ARHGAP42: variants seen among roughly 807,000 people sequenced by gnomAD.
ARHGAP42 encodes Rho GTPase activating protein 42, also known as rho GTPase-activating protein 42.
A neutral mutation model predicts 125.0 loss-of-function variants in ARHGAP42; 63 were observed. The ratio of observed to expected loss-of-function variants is 0.50; its 90% CI spans 0.41 to 0.62. The LOEUF (loss-of-function observed/expected upper bound fraction) is 0.62, where lower values mean the gene tolerates loss of function less well. Among genes scored for constraint, ARHGAP42 ranks in the 20% least tolerant of loss-of-function variants. The pLI is 0.00. For missense variants in ARHGAP42, 766 were observed against 1,024.2 expected (o/e 0.75, Z 3.44); for synonymous variants, 339 against 351.0 (o/e 0.97, Z 0.38).
chr11:100,921,246 T>TATATATA (rs1170204867), intron 5 of ARHGAP42, among the ~76,000 whole-genome samples: 11 of 34,580 alleles, frequency 3.2e-4, no homozygotes, highest in South Asian at 3.3e-3. Flanking sequence ...TATATATATA[T>TATATATA]TTTTTTTTTT....
intron 4 of ARHGAP42, among the ~76,000 whole-genome samples, chr11:100,903,058 A>G (rs961530355): frequency 2.0e-5 from 3 of 147,316 alleles, no homozygotes; most frequent in African/African-American, 7.5e-5. Flanking sequence ...GGCCACTTGT[A>G]TTTACCTTCC....
intron 1 of ARHGAP42, among the ~76,000 whole-genome samples, chr11:100,722,714 C>A (rs190962261): frequency 2.9e-4 from 44 of 152,262 alleles, no homozygotes; most frequent in African/African-American, 1.1e-3. Context: ...ACGTTTACGT[C>A]ATATGTTTTG....
intron 22 of ARHGAP42, among the ~76,000 whole-genome samples, chr11:100,984,658 G>C (rs1451319635): frequency 6.6e-6 from 1 of 151,906 alleles, no homozygotes; most frequent in African/African-American, 2.4e-5. Context: ...TTAGAATGAG[G>C]AATGAGGCTG....
intron 2 of ARHGAP42, among the ~76,000 whole-genome samples, chr11:100,774,077 C>A (rs1476129440): frequency 1.3e-5 from 2 of 152,188 alleles, no homozygotes; most frequent in Admixed American, 6.5e-5. Context: ...CTATTCAACA[C>A]TTTTTACCCT....
At chr11:100,732,165 C>T (rs1281438443) in intron 1 of ARHGAP42, among the ~76,000 whole-genome samples, 1 of 152,038 alleles carries the variant, frequency 6.6e-6, no homozygotes, top group Non-Finnish European at 1.5e-5. Context: ...CCATGCTGGT[C>T]AGGCTGGTCT....
chr11:100,851,881 C>T (rs554487391), intron 3 of ARHGAP42, among the ~76,000 whole-genome samples: 1 of 152,098 alleles, frequency 6.6e-6, no homozygotes, highest in Non-Finnish European at 1.5e-5. Flanking sequence ...TGTGAGAAAT[C>T]TGATTGGTAG....
At chr11:100,709,102 T>C (rs1847150) in intron 1 of ARHGAP42, among the ~76,000 whole-genome samples, 79,512 of 151,902 alleles carry the variant, frequency 0.52, 21,662 homozygotes, top group African/African-American at 0.7. Context: ...TGCAGTGGCA[T>C]GATCTTGGCT....
rs1471217348 is a variant in ARHGAP42, at chr11:100,991,206, C to T, written c.*2405C>T. ...GGATTACAATGTAAGCAAGTCATGGCCATATACTGGAGACGGGCTAAAGCT... is the reference window on the plus strand; with the variant it reads ...GGATTACAATGTAAGCAAGTCATGGTCATATACTGGAGACGGGCTAAAGCT... On this transcript the variant is annotated 3_prime_UTR_variant, in exon 24 of 24. Coordinates refer to ENST00000298815, the MANE Select transcript of ARHGAP42 (RefSeq NM_152432.4). 1 of 152,098 alleles carries T rather than the reference C, an allele frequency of 6.6e-6. No homozygotes were observed. Among genetic ancestry groups the T allele is most frequent in the Non-Finnish European group, 1.5e-5 (1 of 68,018 alleles). 9.4% of individuals were successfully genotyped at this position (152,098 alleles called of 1,614,324 possible).
At chr11:100,761,752 A>T (rs894128797) in intron 1 of ARHGAP42, among the ~76,000 whole-genome samples, 2 of 152,236 alleles carry the variant, frequency 1.3e-5, no homozygotes, top group Non-Finnish European at 2.9e-5. Context: ...TATGCTTACA[A>T]TGAAAATATT....
chr11:100,896,071 C>T (rs1866350646), intron 4 of ARHGAP42, among the ~76,000 whole-genome samples: 1 of 152,100 alleles, frequency 6.6e-6, no homozygotes, highest in African/African-American at 2.4e-5. Context: ...CAGTTCCCAC[C>T]TATGAGTGAG....
At chr11:100,965,469 T>C (rs138167344) in intron 16 of ARHGAP42, among the ~76,000 whole-genome samples, 1 of 152,288 alleles carries the variant, frequency 6.6e-6, no homozygotes, top group Non-Finnish European at 1.5e-5. Context: ...CTTCTTTGGC[T>C]TCTCTACTTC....
chr11:100,984,139 G>T (rs1442318600), intron 22 of ARHGAP42, among the ~76,000 whole-genome samples: 1 of 149,166 alleles, frequency 6.7e-6, no homozygotes, highest in Non-Finnish European at 1.5e-5. Flanking sequence ...GCAAAAGAAA[G>T]AAAAAAAAAT....
intron 2 of ARHGAP42, among the ~76,000 whole-genome samples, chr11:100,788,720 G>A (rs891563219): frequency 6.6e-6 from 1 of 152,174 alleles, no homozygotes; most frequent in East Asian, 1.9e-4. Context: ...TCTGGTGGGA[G>A]AGTTGGTGTC....
At chr11:100,908,199 A>G (rs1048475817) in intron 4 of ARHGAP42, among the ~76,000 whole-genome samples, 3 of 152,358 alleles carry the variant, frequency 2.0e-5, no homozygotes, top group Admixed American at 6.5e-5. Flanking sequence ...ATGGGGTTAG[A>G]TAACATTTCC....
At chr11:100,711,508 C>T (rs1351155622) in intron 1 of ARHGAP42, among the ~76,000 whole-genome samples, 2 of 152,154 alleles carry the variant, frequency 1.3e-5, no homozygotes, top group African/African-American at 4.8e-5. Context: ...GTGCACACTA[C>T]CATGCCCAGA....
At chr11:100,761,858 G>C (rs1677843203) in intron 1 of ARHGAP42, among the ~76,000 whole-genome samples, 1 of 152,224 alleles carries the variant, frequency 6.6e-6, no homozygotes, top group African/African-American at 2.4e-5. Flanking sequence ...ACCAGACACT[G>C]TGCTAAGCCA....
chr11:100,898,201 G>C (rs1024460209), intron 4 of ARHGAP42, among the ~76,000 whole-genome samples: 2 of 152,086 alleles, frequency 1.3e-5, no homozygotes, highest in Non-Finnish European at 2.9e-5. Context: ...CAACTTGATC[G>C]TGGTGGATAA....
intron 3 of ARHGAP42, among the ~76,000 whole-genome samples, chr11:100,837,833 T>A (rs904368482): frequency 4.6e-5 from 7 of 150,810 alleles, no homozygotes; most frequent in African/African-American, 1.7e-4. Flanking sequence ...TTTGGCCATC[T>A]TGGATTTAAT....
At chr11:100,806,339 G>C (rs532161427) in intron 3 of ARHGAP42, among the ~76,000 whole-genome samples, 1 of 152,246 alleles carries the variant, frequency 6.6e-6, no homozygotes, top group South Asian at 2.1e-4. Context: ...TTGCTTTGCG[G>C]ATATGCCCTC....
Sources: allele counts gnomAD v4.1 joint callset (sites outside exome capture counted in the v4.1 genomes callset), GRCh38; gene constraint gnomAD v4.1.1; transcripts MANE v1.5; gene names NCBI Gene and HGNC (gene_info 2026-07-23, HGNC 2026-07-21).